The following XRCC4 variants were observed in gnomAD, a reference collection of about 807,000 sequenced individuals.
XRCC4 encodes the protein DNA repair protein XRCC4.
Under a neutral mutation model 39.1 loss-of-function variants are expected in XRCC4, and 28 were observed. That is an observed-to-expected ratio of 0.72 (90% CI 0.53 to 0.98). The LOEUF (loss-of-function observed/expected upper bound fraction) is 0.98, where lower values mean the gene tolerates loss of function less well. Among genes scored for constraint, XRCC4 ranks in the 50% least tolerant of loss-of-function variants. XRCC4 has a pLI of 0.00. For synonymous variants in XRCC4, 123 were observed against 126.4 expected, an observed-to-expected ratio of 0.97 and a Z score of 0.18; for missense variants, 350 against 376.4, an observed-to-expected ratio of 0.93 and a Z score of 0.58.
intron 7 of XRCC4, among the ~76,000 whole-genome samples, chr5:83,309,943 G>A (rs542132209): frequency 2.0e-4 from 30 of 152,098 alleles, no homozygotes; most frequent in African/African-American, 6.7e-4. Context: ...ACATAAACGT[G>A]TTCAAAATAT....
intron 6 of XRCC4, among the ~76,000 whole-genome samples, chr5:83,246,940 TC>T (rs1471192288): frequency 6.6e-6 from 1 of 152,210 alleles, no homozygotes; most frequent in African/African-American, 2.4e-5. Flanking sequence ...AATGTGGACT[TC>T]CTAGCTGTTT....
chr5:83,359,696 T>C, the XRCC4 span, among the ~76,000 whole-genome samples: 1 of 152,108 alleles, frequency 6.6e-6, no homozygotes, highest in Non-Finnish European at 1.5e-5. Context: ...CAGAATACAT[T>C]CTCCAGAGAA....
At chr5:83,366,387 A>T in the XRCC4 span, among the ~76,000 whole-genome samples, 1 of 152,184 alleles carries the variant, frequency 6.6e-6, no homozygotes, top group Non-Finnish European at 1.5e-5. Flanking sequence ...CATCCAATTC[A>T]TAAGAAAAAT....
chr5:83,113,671 A>G (rs1362993890), intron 3 of XRCC4, among the ~76,000 whole-genome samples: 4 of 148,472 alleles, frequency 2.7e-5, no homozygotes, highest in Non-Finnish European at 5.9e-5. Flanking sequence ...CCCAGGTTGG[A>G]GTGCAATGGC....
At chr5:83,116,897 T>C in intron 3 of XRCC4, among the ~76,000 whole-genome samples, 1 of 152,002 alleles carries the variant, frequency 6.6e-6, no homozygotes, top group East Asian at 1.9e-4. Context: ...GCTGGGATTA[T>C]AGGCATGAGT....
At chr5:83,225,339 A>G (rs1752247044) in intron 6 of XRCC4, among the ~76,000 whole-genome samples, 1 of 151,868 alleles carries the variant, frequency 6.6e-6, no homozygotes, top group South Asian at 2.1e-4. Flanking sequence ...GGGTGTGGGC[A>G]TTTACTTTTT....
rs1217825474 is a variant in XRCC4 at position 83,291,641 on chromosome 5, C to G, written c.893+32964C>G. The stretch of plus-strand genomic sequence containing the variant: ...CCACAGTGCTATGTGTGCTCTACTT[C>G]TTTAGGTTAAGACAGCTGGGCCTGT... On this transcript the variant is annotated intron_variant, in intron 7 of 7. Coordinates refer to ENST00000396027, the MANE Select transcript of XRCC4 (RefSeq NM_003401.5). 2.0e-5 allele frequency among the ~76,000 whole-genome samples: 3 copies of G among 151,796 alleles called. No individual in the cohort carries two copies. The East Asian group carries it at 5.8e-4, about 29-fold the overall frequency.
chr5:83,241,921 T>C (rs187557361), intron 6 of XRCC4, among the ~76,000 whole-genome samples: 489 of 150,572 alleles, frequency 3.2e-3, no homozygotes, highest in Non-Finnish European at 5.7e-3. Context: ...GGCATTCCCA[T>C]TGAGTTGGCT....
chr5:83,175,419 G>A (rs1309135764), intron 3 of XRCC4, among the ~76,000 whole-genome samples: 1 of 152,072 alleles, frequency 6.6e-6, no homozygotes, highest in African/African-American at 2.4e-5. Context: ...TTTAAAAAGT[G>A]ACAACATGAA....
At chr5:83,089,730 T>A (rs59064484) in intron 1 of XRCC4, among the ~76,000 whole-genome samples, 2,645 of 152,078 alleles carry the variant, frequency 0.017, 68 homozygotes, top group African/African-American at 0.061. Flanking sequence ...GAAAAAAAAA[T>A]TATTTTTAAT....
At chr5:83,095,606 T>C (rs1439644039) in intron 1 of XRCC4, among the ~76,000 whole-genome samples, 2 of 152,046 alleles carry the variant, frequency 1.3e-5, no homozygotes, top group Non-Finnish European at 1.5e-5. Flanking sequence ...GGTAGTTCTC[T>C]ACCTAGACAG....
At chr5:83,105,365 G>A (rs995316640) in intron 2 of XRCC4, among the ~76,000 whole-genome samples, 2 of 152,132 alleles carry the variant, frequency 1.3e-5, no homozygotes, top group Admixed American at 6.5e-5. Flanking sequence ...CTTTTCTCAG[G>A]ACCCCAGGGA....
At chr5:83,282,408 A>G (rs1412510536) in intron 7 of XRCC4, among the ~76,000 whole-genome samples, 2 of 152,186 alleles carry the variant, frequency 1.3e-5, no homozygotes, top group South Asian at 2.1e-4. Flanking sequence ...ATAGGATTCC[A>G]TAGGAGTGTG....
chr5:83,269,261 A>C (rs904054324), intron 7 of XRCC4, among the ~76,000 whole-genome samples: 2 of 152,140 alleles, frequency 1.3e-5, no homozygotes, highest in African/African-American at 4.8e-5. Flanking sequence ...ACCTTAATAT[A>C]GTAATGATGT....
chr5:83,250,371 T>C (rs1196108196), intron 6 of XRCC4, among the ~76,000 whole-genome samples: 3 of 152,204 alleles, frequency 2.0e-5, no homozygotes, highest in Non-Finnish European at 4.4e-5. Flanking sequence ...TTCACACAGA[T>C]GCAAAATAAC....
intron 7 of XRCC4, among the ~76,000 whole-genome samples, chr5:83,300,241 G>A (rs924085878): frequency 6.6e-6 from 1 of 151,926 alleles, no homozygotes; most frequent in African/African-American, 2.4e-5. Flanking sequence ...CAGGCCCTAG[G>A]CTTTGTCTCT....
At chr5:83,224,682 T>C (rs1252416631) in intron 6 of XRCC4, among the ~76,000 whole-genome samples, 1 of 152,168 alleles carries the variant, frequency 6.6e-6, no homozygotes. Context: ...CTTTAGCCTT[T>C]TTTGTAATGC....
At chr5:83,130,102 G>T (rs1203610752) in intron 3 of XRCC4, among the ~76,000 whole-genome samples, 1 of 152,096 alleles carries the variant, frequency 6.6e-6, no homozygotes, top group Non-Finnish European at 1.5e-5. Flanking sequence ...TTGGCTGTGG[G>T]TTTGTTGTGA....
chr5:83,158,704 A>G (rs190840671), intron 3 of XRCC4, among the ~76,000 whole-genome samples: 14 of 152,228 alleles, frequency 9.2e-5, no homozygotes, highest in Admixed American at 3.3e-4. Flanking sequence ...ATTGCAAACA[A>G]TTTTAATTGT....
Sources: gnomAD v4.1 joint callset for allele counts (sites outside exome capture counted in the v4.1 genomes callset) on GRCh38, gnomAD v4.1.1 for gene constraint, MANE v1.5 for transcripts, NCBI Gene and HGNC (gene_info 2026-07-23, HGNC 2026-07-21) for gene names.